CENPH: variants seen among roughly 807,000 people sequenced by gnomAD.
CENPH encodes the protein CENP-H.
Under a neutral mutation model 42.9 loss-of-function variants are expected in CENPH, and 40 were observed. The ratio of observed to expected loss-of-function variants is 0.93; its 90% confidence interval spans 0.72 to 1.21. CENPH has a LOEUF of 1.21. Among genes scored for constraint, CENPH ranks in the 50% most tolerant of loss-of-function variants. The pLI is 0.00. For missense variants in CENPH, 302 were observed against 292.9 expected, an observed-to-expected ratio of 1.03 and a Z score of -0.23; for synonymous variants, 88 against 96.5, an observed-to-expected ratio of 0.91 and a Z score of 0.52.
At chr5:69,198,167 G>A (rs1049124920) in intron 5 of CENPH, among the ~76,000 whole-genome samples, 3 of 151,724 alleles carry the variant, frequency 2.0e-5, no homozygotes, top group South Asian at 4.2e-4. Context: ...TGATCCACCC[G>A]CCTCGGCCTC....
At chr5:69,209,651 A>C in intron 8 of CENPH, 56 bp from the exon 9 acceptor site, 1 of 797,494 alleles carries the variant, frequency 1.3e-6, no homozygotes. Context: ...ATATTCTAAA[A>C]TCTTGTTAAA....
Position 69,197,103 on chromosome 5 carries a change from A to G in CENPH, c.365A>G (p.Gln122Arg). The change falls in exon 5 of 9, where the codon CAG becomes CGG. Residue 122 changes from glutamine to arginine, a missense_variant. By Grantham distance (43) the Gln-to-Arg change is conservative. Coordinates refer to ENST00000283006, the MANE Select transcript of CENPH (RefSeq NM_022909.4). ...LKKNLEKISR[Q>R]SSVLMDNMKH... Reference sequence around the variant, plus strand: ...AAAAACCTGGAGAAAATTAGCAGACAGTCTAGGTATGATTTTTTTTTTCTC... The same window carrying G: ...AAAAACCTGGAGAAAATTAGCAGACGGTCTAGGTATGATTTTTTTTTTCTC... The G allele has an allele frequency of 1.9e-6, 3 of 1,568,682 alleles. No individual in the cohort carries two copies. The South Asian group carries it at 3.6e-5, about 19-fold the overall frequency.
In CENPH at chr5:69,197,124, T is replaced by C; in HGVS notation, c.371+15T>C. On this transcript the variant is annotated intron_variant, in intron 5 of 8. Transcript: ENST00000283006. ...AGACAGTCTAGGTATGATTTTTTTT[T>C]TCTCTGGATTCGGTAAGGATGGGAT... The C allele has an allele frequency of 1.3e-6, 2 of 1,526,732 alleles. No homozygotes were observed. Among genetic ancestry groups the C allele is most frequent in the Non-Finnish European group, 1.8e-6 (2 of 1,137,222 alleles). The allele number at this position is 1,526,732 out of a possible 1,614,324, so 94.6% of individuals were successfully genotyped here. A position where few individuals can be genotyped will look rare whatever the true frequency, so the allele number is the denominator to read the frequency against.
Position 69,191,860 on chromosome 5 carries a change from T to C in CENPH, c.190+10T>C. On this transcript the variant is annotated intron_variant, in intron 2 of 8. Coordinates refer to ENST00000283006, the MANE Select transcript of CENPH (RefSeq NM_022909.4). ...TCAATGGTTGATGCAAGTAAGTATT[T>C]TCATTTTCAAATTAGGGTTTTGTTG... 6.9e-7 allele frequency: 1 copy of C among 1,457,878 alleles called. No homozygotes were observed. The highest frequency in any genetic ancestry group is 2.3e-5 in the East Asian group (1 of 44,104). The allele number at this position is 1,457,878 out of a possible 1,614,324, so 90.3% of individuals were successfully genotyped here. A position where few individuals can be genotyped will look rare whatever the true frequency, so the allele number is the denominator to read the frequency against.
chr5:69,193,339 T>C (rs1304130251), intron 2 of CENPH, among the ~76,000 whole-genome samples: 1 of 151,982 alleles, frequency 6.6e-6, no homozygotes, highest in Non-Finnish European at 1.5e-5. Context: ...ACAATCAAGA[T>C]ACAGAACATT....
chr5:69,205,919 T>C (rs1451317776), intron 7 of CENPH, among the ~76,000 whole-genome samples: 3 of 150,366 alleles, frequency 2.0e-5, no homozygotes, highest in African/African-American at 4.9e-5. Context: ...CCATATTAGC[T>C]AGGATGGTCT....
chr5:69,197,115 A>ATTT lies in CENPH; in HGVS notation c.371+14_371+16dup. Reference sequence around the variant, plus strand: ...AAAATTAGCAGACAGTCTAGGTATGATTTTTTTTTTCTCTGGATTCGGTAA... The same window carrying ATTT: ...AAAATTAGCAGACAGTCTAGGTATGATTTTTTTTTTTTTCTCTGGATTCGGTAA... On this transcript the variant is annotated splice_region_variant and intron_variant, in intron 5 of 8. Transcript: ENST00000283006. The ATTT allele has an allele frequency of 2.7e-6, 4 of 1,474,608 alleles. No individual in the cohort carries two copies. The South Asian group carries it at 4.0e-5, about 15-fold the overall frequency. The allele number at this position is 1,474,608 out of a possible 1,614,324, so 91.3% of individuals were successfully genotyped here.
chr5:69,194,730 T>A, intron 3 of CENPH, 35 bp downstream of exon 3: 3 of 1,276,070 alleles, frequency 2.4e-6, no homozygotes, highest in Non-Finnish European at 3.3e-6. Flanking sequence ...TTATGGTCTT[T>A]ACTAAGATTT....
intron 5 of CENPH, among the ~76,000 whole-genome samples, chr5:69,202,266 G>C (rs1220281405): frequency 1.3e-5 from 2 of 152,084 alleles, no homozygotes; most frequent in Admixed American, 1.3e-4. Flanking sequence ...TTTAAATTTG[G>C]TATTCTTCAA....
chr5:69,193,179 GTATGTGTATA>G (rs1369154904), intron 2 of CENPH, among the ~76,000 whole-genome samples: 1 of 148,082 alleles, frequency 6.8e-6, no homozygotes, highest in East Asian at 1.9e-4. Context: ...ATATGTGTGT[GTATGTGTATA>G]TATGTATATA....
intron 7 of CENPH, among the ~76,000 whole-genome samples, chr5:69,207,463 AC>A (rs1748178188): frequency 6.7e-6 from 1 of 149,132 alleles, no homozygotes; most frequent in Non-Finnish European, 1.5e-5. Flanking sequence ...TGCTGGGATT[AC>A]AGGTGTGAGC....
intron 5 of CENPH, among the ~76,000 whole-genome samples, chr5:69,199,718 A>G (rs1218692425): frequency 1.3e-5 from 2 of 152,160 alleles, no homozygotes; most frequent in Non-Finnish European, 2.9e-5. Context: ...AACTTTCTCA[A>G]GCTTTAAGAC....
chr5:69,208,732 A>G (rs1319631691), intron 8 of CENPH, among the ~76,000 whole-genome samples: 2 of 152,186 alleles, frequency 1.3e-5, no homozygotes, highest in African/African-American at 2.4e-5. Flanking sequence ...AAATAATTCA[A>G]TGTTTAATAT....
At chr5:69,203,675 G>T (rs921764884) in intron 7 of CENPH, among the ~76,000 whole-genome samples, 1 of 151,998 alleles carries the variant, frequency 6.6e-6, no homozygotes, top group African/African-American at 2.4e-5. Flanking sequence ...CCAAATTGTT[G>T]TATTTTTAGT....
At chr5:69,193,594 G>A (rs1043649358) in intron 2 of CENPH, among the ~76,000 whole-genome samples, 7 of 151,906 alleles carry the variant, frequency 4.6e-5, no homozygotes, top group African/African-American at 1.7e-4. Flanking sequence ...TACAGCCTGG[G>A]TGACAGTGAC....
At chr5:69,191,559 A>C (rs976341601) in intron 1 of CENPH, among the ~76,000 whole-genome samples, 15 of 152,214 alleles carry the variant, frequency 9.9e-5, no homozygotes, top group African/African-American at 3.6e-4. Context: ...TTTTCCTGAC[A>C]GATGCTGTTT....
intron 7 of CENPH, among the ~76,000 whole-genome samples, chr5:69,206,173 A>G (rs2112095429): frequency 6.7e-6 from 1 of 149,942 alleles, no homozygotes; most frequent in African/African-American, 2.4e-5. Context: ...GTGCCTGGCC[A>G]GATTTGTTGG....
At position 69,202,983 on chromosome 5, in the gene CENPH, C is replaced by CT. The variant is rs759909125; in HGVS notation, c.487+22dup. On this transcript the variant is annotated intron_variant, in intron 7 of 8. Coordinates refer to ENST00000283006, the MANE Select transcript of CENPH (RefSeq NM_022909.4). Reference sequence around the variant, plus strand: ...AAGAAGAGATTGCGTATGTAGAACACTTTTTTTTTGGCAGAACACATTTTG... The same window carrying CT: ...AAGAAGAGATTGCGTATGTAGAACACTTTTTTTTTTGGCAGAACACATTTTG... The CT allele has an allele frequency of 5.3e-4, 817 of 1,533,970 alleles. No individual in the cohort carries two copies. Among genetic ancestry groups the CT allele is most frequent in the Admixed American group, 5.8e-4 (32 of 54,722 alleles).
chr5:69,209,247 G>T (rs1022063160), intron 8 of CENPH, among the ~76,000 whole-genome samples: 1 of 152,188 alleles, frequency 6.6e-6, no homozygotes, highest in Non-Finnish European at 1.5e-5. Context: ...ATGCTGCTGG[G>T]TGTGGTGGCT....
Sources: allele counts gnomAD v4.1 joint callset (sites outside exome capture counted in the v4.1 genomes callset), GRCh38; gene constraint gnomAD v4.1.1; transcripts MANE v1.5; gene names NCBI Gene and HGNC (gene_info 2026-07-23, HGNC 2026-07-21).